Variants in CDYL2 observed in about 807,000 individuals in gnomAD.
The protein encoded by CDYL2 is chromodomain Y-like protein 2.
Under a neutral mutation model 49.4 loss-of-function variants are expected in CDYL2, and 23 were observed. That is an observed-to-expected ratio of 0.47 (90% confidence interval 0.34 to 0.66). The LOEUF (loss-of-function observed/expected upper bound fraction) is 0.66. Among genes scored for constraint, CDYL2 ranks in the 30% least tolerant of loss-of-function variants. The probability of loss-of-function intolerance (pLI) is 0.01; values close to 1 mark genes in which losing one functional copy is unlikely to be tolerated. For missense variants in CDYL2, 678 were observed against 656.4 expected (o/e 1.03, Z -0.36); for synonymous variants, 360 against 268.8 (o/e 1.34, Z -3.32).
intron 1 of CDYL2, among the ~76,000 whole-genome samples, chr16:80,718,674 G>C (rs73595120): frequency 1.2e-3 from 187 of 152,336 alleles, no homozygotes; most frequent in African/African-American, 4.3e-3. Context: ...AGTGTAACCT[G>C]ACACTCAAGG....
chr16:80,632,940 A>C, intron 3 of CDYL2, 79 bp downstream of exon 3: 61 of 1,382,738 alleles, frequency 4.4e-5, no homozygotes, highest in Non-Finnish European at 5.4e-5. Flanking sequence ...GATGGAAGGA[A>C]GGAGAAAGCC....
intron 1 of CDYL2, among the ~76,000 whole-genome samples, chr16:80,740,950 T>C (rs888169367): frequency 6.6e-6 from 1 of 151,764 alleles, no homozygotes; most frequent in African/African-American, 2.4e-5. Context: ...GCAATTTCAA[T>C]CAAAACCCCA....
chr16:80,613,138 A>C (rs1226782580), intron 4 of CDYL2, among the ~76,000 whole-genome samples: 2 of 152,134 alleles, frequency 1.3e-5, no homozygotes, highest in Non-Finnish European at 2.9e-5. Flanking sequence ...ACAGTAAGTT[A>C]TATGGGCACC....
chr16:80,682,670 G>T (rs1030074285), intron 2 of CDYL2, among the ~76,000 whole-genome samples: 2 of 152,128 alleles, frequency 1.3e-5, no homozygotes, highest in African/African-American at 4.8e-5. Flanking sequence ...GGAATGCAGG[G>T]AACCCCGCCA....
chr16:80,797,527 G>C (rs1029867581), intron 1 of CDYL2, among the ~76,000 whole-genome samples: 1 of 152,142 alleles, frequency 6.6e-6, no homozygotes, highest in African/African-American at 2.4e-5. Context: ...TGTTTATGGA[G>C]AGAATACTCA....
chr16:80,639,210 G>C (rs1367161356), intron 2 of CDYL2, among the ~76,000 whole-genome samples: 1 of 152,164 alleles, frequency 6.6e-6, no homozygotes, highest in Non-Finnish European at 1.5e-5. Flanking sequence ...CCAATAGCTG[G>C]AGAGGATGCC....
At chr16:80,687,430 A>G (rs1910242253) in intron 1 of CDYL2, among the ~76,000 whole-genome samples, 2 of 151,954 alleles carry the variant, frequency 1.3e-5, no homozygotes, top group African/African-American at 4.8e-5. Flanking sequence ...GAATGGATAG[A>G]TGGATGGTGG....
intron 1 of CDYL2, among the ~76,000 whole-genome samples, chr16:80,775,131 C>A (rs1011485549): frequency 6.6e-6 from 1 of 151,764 alleles, no homozygotes; most frequent in Non-Finnish European, 1.5e-5. Context: ...CATGCACAGT[C>A]CCTTTCTGAA....
At chr16:80,665,914 T>C (rs1043060743) in intron 2 of CDYL2, among the ~76,000 whole-genome samples, 1 of 152,194 alleles carries the variant, frequency 6.6e-6, no homozygotes, top group Non-Finnish European at 1.5e-5. Flanking sequence ...GATTTCGCCT[T>C]GCTGGCTTAT....
At chr16:80,683,643 T>C (rs1367385082) in intron 2 of CDYL2, among the ~76,000 whole-genome samples, 1 of 152,158 alleles carries the variant, frequency 6.6e-6, no homozygotes, top group African/African-American at 2.4e-5. Flanking sequence ...CCAAATTTCA[T>C]ATGAAGAAAC....
intron 6 of CDYL2, among the ~76,000 whole-genome samples, chr16:80,607,797 C>T (rs1399979646): frequency 3.0e-4 from 45 of 152,132 alleles, no homozygotes; most frequent in Admixed American, 2.9e-3. Context: ...AGATGTTTTG[C>T]GTTTTTGTGG....
intron 1 of CDYL2, among the ~76,000 whole-genome samples, chr16:80,696,531 T>G (rs1022904879): frequency 6.6e-6 from 1 of 151,704 alleles, no homozygotes; most frequent in African/African-American, 2.4e-5. Context: ...ACATTACAAC[T>G]GATATTATCG....
chr16:80,703,725 T>C (rs1904319812), intron 1 of CDYL2, among the ~76,000 whole-genome samples: 1 of 152,084 alleles, frequency 6.6e-6, no homozygotes, highest in Non-Finnish European at 1.5e-5. Context: ...CCACGGCTAT[T>C]CCTGGGTACA....
chr16:80,740,117 G>C (rs187471213), intron 1 of CDYL2, among the ~76,000 whole-genome samples: 5 of 152,126 alleles, frequency 3.3e-5, no homozygotes, highest in South Asian at 4.1e-4. Context: ...TGACTAAATC[G>C]GGCAGGATTG....
chr16:80,637,934 C>A (rs1018816991), intron 2 of CDYL2, among the ~76,000 whole-genome samples: 2 of 152,092 alleles, frequency 1.3e-5, no homozygotes, highest in African/African-American at 4.8e-5. Context: ...TTGTTTATGA[C>A]AGCATCCAAA....
chr16:80,710,612 G>T (rs1904562800), intron 1 of CDYL2, among the ~76,000 whole-genome samples: 1 of 152,166 alleles, frequency 6.6e-6, no homozygotes, highest in Non-Finnish European at 1.5e-5. Flanking sequence ...AAAAATGTGT[G>T]TAAACAGGTT....
chr16:80,669,090 T>C (rs1185186928), intron 2 of CDYL2, among the ~76,000 whole-genome samples: 1 of 151,704 alleles, frequency 6.6e-6, no homozygotes, highest in Admixed American at 6.6e-5. Context: ...ACTGACAAAT[T>C]TGTCTCCTCT....
chr16:80,753,446 T>C (rs913959166), intron 1 of CDYL2, among the ~76,000 whole-genome samples: 1 of 151,838 alleles, frequency 6.6e-6, no homozygotes, highest in Admixed American at 6.6e-5. Flanking sequence ...CCATCTCTAA[T>C]AAAAATACAA....
chr16:80,762,640 A>T (rs1348988382), intron 1 of CDYL2, among the ~76,000 whole-genome samples: 2 of 152,202 alleles, frequency 1.3e-5, no homozygotes, highest in African/African-American at 4.8e-5. Flanking sequence ...CCTACTGTCT[A>T]TAAAGTATTT....
Sources: allele counts gnomAD v4.1 joint callset (sites outside exome capture counted in the v4.1 genomes callset), GRCh38; gene constraint gnomAD v4.1.1; transcripts MANE v1.5; gene names NCBI Gene and HGNC (gene_info 2026-07-23, HGNC 2026-07-21).